Variants in METTL15 observed in about 807,000 individuals in gnomAD.
METTL15 encodes the protein methyltransferase 15, mitochondrial 12S rRNA N4-cytidine, also known as 12S rRNA N(4)-cytidine methyltransferase METTL15.
In METTL15, 34 loss-of-function variants were observed where a neutral mutation model predicts 38.3. The ratio of observed to expected loss-of-function variants is 0.89; its 90% CI spans 0.68 to 1.18. The LOEUF (loss-of-function observed/expected upper bound fraction) is 1.18. Among genes scored for constraint, METTL15 ranks in the 50% most tolerant of loss-of-function variants. The pLI, the probability that METTL15 is intolerant of heterozygous loss-of-function variation, is 0.00. For synonymous variants in METTL15, 162 were observed against 170.9 expected, an observed-to-expected ratio of 0.95 and a Z score of 0.41; for missense variants, 438 against 498.4, an observed-to-expected ratio of 0.88 and a Z score of 1.15.
intron 4 of METTL15, among the ~76,000 whole-genome samples, chr11:28,221,968 G>A (rs1180827470): frequency 1.3e-5 from 2 of 152,172 alleles, no homozygotes; most frequent in Non-Finnish European, 2.9e-5. Context: ...CCTCTACTGG[G>A]GGATGCCTTC....
downstream of METTL15, among the ~76,000 whole-genome samples, chr11:28,336,697 G>A (rs975533391): frequency 2.0e-5 from 3 of 152,118 alleles, no homozygotes; most frequent in East Asian, 5.8e-4. Flanking sequence ...ACATCACAGG[G>A]CAACGTAATA....
chr11:28,497,530 T>A (rs1851544919), intron 6 of METTL15, among the ~76,000 whole-genome samples: 1 of 152,220 alleles, frequency 6.6e-6, no homozygotes, highest in Non-Finnish European at 1.5e-5. Context: ...CAGGGGTGTC[T>A]TACTCTGTTT....
At chr11:28,386,646 G>T (rs987958515) in intron 5 of METTL15, among the ~76,000 whole-genome samples, 1 of 151,960 alleles carries the variant, frequency 6.6e-6, no homozygotes, top group Non-Finnish European at 1.5e-5. Flanking sequence ...ACTTTCAGTA[G>T]TAGATAGAAC....
At chr11:28,519,062 C>T (rs1851742308) in intron 6 of METTL15, 1 of 152,218 alleles carries the variant, frequency 6.6e-6, no homozygotes, top group Non-Finnish European at 1.5e-5. Flanking sequence ...ACACTGAAAA[C>T]CACTGTTGAC....
intron 4 of METTL15, among the ~76,000 whole-genome samples, chr11:28,261,858 A>T (rs1855217176): frequency 6.6e-6 from 1 of 152,196 alleles, no homozygotes; most frequent in African/African-American, 2.4e-5. Flanking sequence ...TGTTCTTAAC[A>T]CTTTGCAAGT....
intron 3 of METTL15, among the ~76,000 whole-genome samples, chr11:28,132,873 A>G (rs1428811793): frequency 6.6e-6 from 1 of 152,176 alleles, no homozygotes; most frequent in Non-Finnish European, 1.5e-5. Flanking sequence ...AGAGTACTGA[A>G]TTAATACTTA....
intron 3 of METTL15, among the ~76,000 whole-genome samples, chr11:28,203,527 T>G (rs755947839): frequency 3.9e-5 from 6 of 152,080 alleles, no homozygotes; most frequent in Admixed American, 1.3e-4. Context: ...TTCAATGTGA[T>G]TATGTAATTT....
chr11:28,254,292 C>G (rs1207756452), intron 4 of METTL15, among the ~76,000 whole-genome samples: 2 of 152,146 alleles, frequency 1.3e-5, no homozygotes, highest in African/African-American at 4.8e-5. Context: ...TGTGAAATGA[C>G]TAGTCAGATC....
chr11:28,355,178 A>C (rs548867499), intron 4 of METTL15, among the ~76,000 whole-genome samples: 1 of 152,318 alleles, frequency 6.6e-6, no homozygotes, highest in African/African-American at 2.4e-5. Context: ...CCCAACTTGT[A>C]TTAACTGTTT....
intron 3 of METTL15, among the ~76,000 whole-genome samples, chr11:28,147,765 T>C (rs1207092215): frequency 6.6e-6 from 1 of 151,868 alleles, no homozygotes; most frequent in African/African-American, 2.4e-5. Flanking sequence ...TACTAGCATA[T>C]AAAAATTCTA....
intron 6 of METTL15, among the ~76,000 whole-genome samples, chr11:28,312,869 C>T (rs994539236): frequency 6.6e-6 from 1 of 152,104 alleles, no homozygotes; most frequent in Non-Finnish European, 1.5e-5. Flanking sequence ...GTCTCATGAC[C>T]TGATCATCTC....
At chr11:28,311,242 G>A (rs1857293986) in intron 6 of METTL15, among the ~76,000 whole-genome samples, 1 of 152,020 alleles carries the variant, frequency 6.6e-6, no homozygotes, top group Admixed American at 6.6e-5. Flanking sequence ...AGAGAAACAG[G>A]CAATAAATAT....
At chr11:28,447,496 G>A (rs980165426) in intron 6 of METTL15, among the ~76,000 whole-genome samples, 4 of 152,088 alleles carry the variant, frequency 2.6e-5, no homozygotes, top group East Asian at 1.9e-4. Flanking sequence ...ATTGAATAAC[G>A]AAAACATGAA....
intron 6 of METTL15, among the ~76,000 whole-genome samples, chr11:28,323,057 T>C (rs192605272): frequency 5.3e-5 from 8 of 152,318 alleles, no homozygotes; most frequent in Admixed American, 5.2e-4. Flanking sequence ...TATACACCTA[T>C]ATGTATTTTT....
intron 6 of METTL15, among the ~76,000 whole-genome samples, chr11:28,429,776 C>G (rs1382131017): frequency 6.1e-5 from 3 of 48,788 alleles, no homozygotes; most frequent in African/African-American, 8.2e-5. Flanking sequence ...GCCCGGCCGC[C>G]ACCCCGTCTG....
intron 6 of METTL15, among the ~76,000 whole-genome samples, chr11:28,325,852 CAAAT>C (rs1342167093): frequency 1.3e-5 from 2 of 152,086 alleles, no homozygotes; most frequent in Non-Finnish European, 2.9e-5. Flanking sequence ...AGATCAGAGT[CAAAT>C]GAGTGAGATA....
intron 3 of METTL15, among the ~76,000 whole-genome samples, chr11:28,179,582 T>A (rs1040498030): frequency 2.0e-5 from 3 of 151,864 alleles, no homozygotes; most frequent in African/African-American, 7.2e-5. Context: ...GTCATCTATA[T>A]TGTTGATGGG....
chr11:28,425,481 T>C (rs1850855800), intron 6 of METTL15, among the ~76,000 whole-genome samples: 1 of 152,232 alleles, frequency 6.6e-6, no homozygotes, highest in Admixed American at 6.5e-5. Context: ...TATCCCTCAG[T>C]AACTTGAAAG....
At chr11:28,229,068 A>G (rs944310645) in intron 4 of METTL15, among the ~76,000 whole-genome samples, 1 of 151,936 alleles carries the variant, frequency 6.6e-6, no homozygotes, top group Admixed American at 6.6e-5. Flanking sequence ...AAAATGAGGT[A>G]CTGTTAATAC....
Sources: gnomAD v4.1 joint callset for allele counts (sites outside exome capture counted in the v4.1 genomes callset) on GRCh38, gnomAD v4.1.1 for gene constraint, MANE v1.5 for transcripts, NCBI Gene and HGNC (gene_info 2026-07-23, HGNC 2026-07-21) for gene names.